CLEC12B: variants seen among roughly 807,000 people sequenced by gnomAD.
CLEC12B encodes C-type lectin domain family 12 member B.
A neutral mutation model predicts 36.1 loss-of-function variants in CLEC12B; 25 were observed. That is an observed-to-expected ratio of 0.69 (90% confidence interval 0.50 to 0.97). CLEC12B has a LOEUF of 0.97. CLEC12B is among the 50% of genes least tolerant of loss of function. CLEC12B has a pLI of 0.00. For synonymous variants in CLEC12B, 110 were observed against 108.5 expected, an observed-to-expected ratio of 1.01 and a Z score of -0.09; for missense variants, 325 against 318.4, an observed-to-expected ratio of 1.02 and a Z score of -0.16.
chr12:10,015,813 G>A, intron 5 of CLEC12B, 86 bp downstream of exon 5: 1 of 1,589,006 alleles, frequency 6.3e-7, no homozygotes, highest in Non-Finnish European at 8.6e-7. Context: ...TATAAATACA[G>A]ACATAAAAAG....
Position 10,012,799 on chromosome 12 carries a change from T to A in CLEC12B, c.106T>A (p.Ser36Thr). 1 of 1,613,490 alleles carries A rather than the reference T, an allele frequency of 6.2e-7. No homozygotes were observed. Among genetic ancestry groups the A allele is most frequent in the East Asian group, 2.2e-5 (1 of 44,886 alleles). Residue 36 changes from serine (S) to threonine (T), a missense_variant, in exon 2 of 6, where the codon TCT (serine) becomes ACT (threonine). Coordinates refer to ENST00000338896, the MANE Select transcript of CLEC12B (RefSeq NM_001129998.3). ...NLRKRGHPAP[S>T]PIWRHAALGL... ...GCTTTCTCCAGGGCATCCAGCTCCA[T>A]CTCCCATTTGGCGTCATGCTGCTCT... is the stretch of plus-strand genomic sequence containing the variant.
At chr12:10,006,926 G>A (rs1182898156), upstream of CLEC12B, among the ~76,000 whole-genome samples, 2 of 151,964 alleles carry the variant, frequency 1.3e-5, no homozygotes, top group African/African-American at 2.4e-5. Flanking sequence ...GGGGTGGCAG[G>A]CGCCTGTAGT....
At chr12:10,008,866 C>T (rs1328018525), upstream of CLEC12B, among the ~76,000 whole-genome samples, 2 of 152,144 alleles carry the variant, frequency 1.3e-5, no homozygotes, top group Non-Finnish European at 2.9e-5. Flanking sequence ...GATGAAAACC[C>T]AGTTTTTGCA....
At chr12:10,011,739 A>G (rs572117285) in intron 1 of CLEC12B, among the ~76,000 whole-genome samples, 1 of 152,320 alleles carries the variant, frequency 6.6e-6, no homozygotes, top group Admixed American at 6.5e-5. Flanking sequence ...CTCTAGATTT[A>G]TCTTTACATT....
At chr12:10,009,624 T>C (rs1865277623), upstream of CLEC12B, among the ~76,000 whole-genome samples, 1 of 152,060 alleles carries the variant, frequency 6.6e-6, no homozygotes, top group African/African-American at 2.4e-5. Flanking sequence ...TTAGAGATCA[T>C]GCACAGCGTT....
chr12:10,015,175 C>A, intron 3 of CLEC12B, 77 bp from the exon 4 acceptor site: 1 of 1,207,420 alleles, frequency 8.3e-7, no homozygotes, highest in Non-Finnish European at 1.2e-6. Flanking sequence ...TGTTCAATTA[C>A]ATGATTTTGT....
At position 10,012,870 on chromosome 12, in the gene CLEC12B, A is replaced by T; in HGVS notation, c.177A>T (p.Thr59=). ...TGATGTTGCTGATTGGGCTGGTGAC[A>T]TTGGGGATGATGTGTAAGTATATCA... ...LCLMLLIGLV[T]LGMMFLQISN... Residue 59 remains threonine (T), a synonymous_variant, in exon 2 of 6, where the codon ACA becomes ACT. Transcript: ENST00000338896. The T allele has an allele frequency of 1.9e-6, 3 of 1,612,852 alleles. No homozygotes were observed. Among genetic ancestry groups the T allele is most frequent in the Non-Finnish European group, 2.5e-6 (3 of 1,178,976 alleles).
chr12:10,011,098 G>A (rs1355971523), intron 1 of CLEC12B, among the ~76,000 whole-genome samples: 3 of 152,196 alleles, frequency 2.0e-5, no homozygotes, highest in African/African-American at 4.8e-5. Context: ...GCACATGCCA[G>A]AAATTGAGCT....
rs1194970506 is a variant in CLEC12B, at chr12:10,017,610, AT to A, written c.681-718del. 3.0e-6 allele frequency: 3 copies of A among 985,774 alleles called. No homozygotes were observed. In the East Asian group the frequency reaches 3.4e-4, roughly 112 times the overall value. The allele number at this position is 985,774 out of a possible 1,614,324, so 61.1% of individuals were successfully genotyped here. On this transcript the variant is annotated intron_variant, in intron 5 of 5. Transcript: ENST00000338896. Reference sequence around the variant, plus strand: ...GACTGAGCTTCCAGATTGCATAGCCATTTCCTTGACTACTGAGTAAAGGCCA... The same window carrying A: ...GACTGAGCTTCCAGATTGCATAGCCATTCCTTGACTACTGAGTAAAGGCCA...
chr12:10,008,762 A>G (rs1425572695), upstream of CLEC12B, among the ~76,000 whole-genome samples: 3 of 152,226 alleles, frequency 2.0e-5, no homozygotes, highest in Admixed American at 1.3e-4. Context: ...GACATTCTTC[A>G]TCATTGTTCA....
intron 2 of CLEC12B, chr12:10,013,204 T>A (rs1472056649): frequency 3.2e-6 from 1 of 314,842 alleles, no homozygotes; most frequent in African/African-American, 2.3e-5. Context: ...TGCTGAGAAA[T>A]AAAGTCAAGA....
chr12:10,014,167 T>C (rs559854089), intron 2 of CLEC12B, among the ~76,000 whole-genome samples: 14 of 152,282 alleles, frequency 9.2e-5, no homozygotes, highest in African/African-American at 3.4e-4. Flanking sequence ...AAGAATGCTG[T>C]TTTCATTAAA....
upstream of CLEC12B, among the ~76,000 whole-genome samples, chr12:10,009,717 A>G (rs1865279204): frequency 6.6e-6 from 1 of 152,140 alleles, no homozygotes; most frequent in Non-Finnish European, 1.5e-5. Context: ...GACACCTTTG[A>G]CTAAGATAAT....
Position 10,015,612 on chromosome 12 carries a change from G to C in CLEC12B, c.565G>C (p.Asp189His). The C allele has an allele frequency of 2.5e-6, 4 of 1,613,484 alleles. No individual in the cohort carries two copies. Among genetic ancestry groups the C allele is most frequent in the Non-Finnish European group, 3.4e-6 (4 of 1,179,622 alleles). The change falls in exon 5 of 6, where the codon GAT (aspartate) becomes CAT (histidine). Residue 189 changes from aspartate (D) to histidine (H), a missense_variant and splice_region_variant. Coordinates refer to ENST00000338896, the MANE Select transcript of CLEC12B (RefSeq NM_001129998.3). ...LVKIDSLEEK[D>H]FLMSQPLLMF... ...ACTTTTTCTCTGTTTTCTCTCTTAG[G>C]ATTTTCTTATGTCACAGCCATTACT...
chr12:10,016,436 A>G (rs1286544508), intron 5 of CLEC12B: 2 of 160,226 alleles, frequency 1.2e-5, no homozygotes, highest in Non-Finnish European at 1.3e-5. Flanking sequence ...TAAAGTTATG[A>G]AAAAATAGAC....
upstream of CLEC12B, among the ~76,000 whole-genome samples, chr12:10,010,200 T>TCTCACACACACACACACA (rs370060573): frequency 6.9e-6 from 1 of 145,800 alleles, no homozygotes; most frequent in African/African-American, 2.6e-5. Context: ...TGTCTCTCTC[T>TCTCACACACACACACACA]CACACACACA....
At chr12:10,010,171 CTCTCTCTCTG>C (rs554040461), upstream of CLEC12B, among the ~76,000 whole-genome samples, 36 of 142,762 alleles carry the variant, frequency 2.5e-4, no homozygotes, top group South Asian at 6.8e-4. Flanking sequence ...CTCTCTGTCT[CTCTCTCTCTG>C]TCTCTCTCTG....
chr12:10,008,886 GA>G (rs1417212847), upstream of CLEC12B, among the ~76,000 whole-genome samples: 9 of 152,302 alleles, frequency 5.9e-5, no homozygotes, highest in African/African-American at 2.2e-4. Context: ...AAAATCTGGT[GA>G]AAGTCATGAG....
upstream of CLEC12B, among the ~76,000 whole-genome samples, chr12:10,006,474 TA>T (rs1404001854): frequency 2.0e-5 from 3 of 151,708 alleles, no homozygotes; most frequent in Admixed American, 2.0e-4. Context: ...GTTTTTTTTT[TA>T]AGAAGACCAA....
Sources: allele counts gnomAD v4.1 joint callset (sites outside exome capture counted in the v4.1 genomes callset), GRCh38; gene constraint gnomAD v4.1.1; transcripts MANE v1.5; gene names NCBI Gene and HGNC (gene_info 2026-07-23, HGNC 2026-07-21).